The following SH3RF3 variants were observed in gnomAD, a reference collection of about 807,000 sequenced individuals.
SH3RF3 encodes E3 ubiquitin-protein ligase SH3RF3.
SH3RF3 carries 29 observed loss-of-function variants against 66.3 expected under a neutral mutation model. The observed-to-expected ratio is 0.44, with a 90% CI of 0.33 to 0.60. SH3RF3 has a LOEUF of 0.60. SH3RF3 is among the 20% of genes least tolerant of loss of function. The probability of loss-of-function intolerance (pLI) is 0.04; values close to 1 mark genes in which losing one functional copy is unlikely to be tolerated. For synonymous variants in SH3RF3, 583 were observed against 532.0 expected (o/e 1.10, Z -1.32); for missense variants, 1,194 against 1,190.9 (o/e 1.00, Z -0.04).
chr2:109,410,831 G>C (rs1481168133), intron 4 of SH3RF3, among the ~76,000 whole-genome samples: 2 of 143,802 alleles, frequency 1.4e-5, no homozygotes, highest in African/African-American at 2.6e-5. Flanking sequence ...GCTGCACTTG[G>C]CTTTGAAGTC....
intron 1 of SH3RF3, among the ~76,000 whole-genome samples, chr2:109,257,594 G>A (rs986012672): frequency 1.4e-4 from 22 of 152,108 alleles, no homozygotes; most frequent in South Asian, 1.2e-3. Context: ...CTTGACCACT[G>A]GAGCAGGATA....
chr2:109,288,963 T>C (rs1174541219), intron 1 of SH3RF3, among the ~76,000 whole-genome samples: 2 of 152,186 alleles, frequency 1.3e-5, no homozygotes. Context: ...ACAAATTTAT[T>C]TGTGGGCTTA....
At chr2:109,170,307 C>A (rs1321971597) in intron 1 of SH3RF3, among the ~76,000 whole-genome samples, 1 of 134,044 alleles carries the variant, frequency 7.5e-6, no homozygotes, top group Non-Finnish European at 1.6e-5. Flanking sequence ...CTCTTCTCTT[C>A]TCTTCTCTCC....
intron 1 of SH3RF3, among the ~76,000 whole-genome samples, chr2:109,338,820 AGT>A (rs1181893107): frequency 3.5e-4 from 54 of 152,258 alleles, no homozygotes; most frequent in African/African-American, 1.1e-3. Context: ...GGCCTCCCAA[AGT>A]GTGTGAGCCA....
chr2:109,385,230 AG>A (rs1467697782), intron 3 of SH3RF3, among the ~76,000 whole-genome samples: 2 of 152,184 alleles, frequency 1.3e-5, no homozygotes, highest in East Asian at 3.9e-4. Flanking sequence ...CCCACCTCCA[AG>A]GGTTCTTAGG....
intron 8 of SH3RF3, among the ~76,000 whole-genome samples, chr2:109,450,040 G>T (rs1677823094): frequency 1.3e-5 from 2 of 152,122 alleles, no homozygotes; most frequent in Non-Finnish European, 2.9e-5. Context: ...GCCATGAAGT[G>T]CTGATTTCAT....
chr2:109,203,024 G>T (rs1318542011), intron 1 of SH3RF3, among the ~76,000 whole-genome samples: 1 of 152,300 alleles, frequency 6.6e-6, no homozygotes, highest in East Asian at 1.9e-4. Flanking sequence ...TACTGGCCTG[G>T]CCATGGTCCT....
chr2:109,447,791 T>C (rs149424128), intron 7 of SH3RF3, among the ~76,000 whole-genome samples: 1 of 152,356 alleles, frequency 6.6e-6, no homozygotes, highest in Non-Finnish European at 1.5e-5. Flanking sequence ...GGGAGCTGTA[T>C]CTTTTCATAT....
At chr2:109,281,409 T>C (rs1230322734) in intron 1 of SH3RF3, among the ~76,000 whole-genome samples, 6 of 152,186 alleles carry the variant, frequency 3.9e-5, no homozygotes, top group South Asian at 2.1e-4. Flanking sequence ...GATGTGACAG[T>C]CTCAGAGCAG....
chr2:109,438,319 G>A (rs1418436251), intron 7 of SH3RF3, among the ~76,000 whole-genome samples: 1 of 152,116 alleles, frequency 6.6e-6, no homozygotes. Context: ...AGTGCCTGGT[G>A]TCTGGCACCA....
intron 7 of SH3RF3, among the ~76,000 whole-genome samples, chr2:109,443,727 T>G (rs1677635469): frequency 6.6e-6 from 1 of 152,094 alleles, no homozygotes. Context: ...ATACACCAAG[T>G]AACAGAACTT....
At chr2:109,270,749 T>C (rs1456826022) in intron 1 of SH3RF3, among the ~76,000 whole-genome samples, 2 of 152,190 alleles carry the variant, frequency 1.3e-5, no homozygotes, top group African/African-American at 4.8e-5. Flanking sequence ...CTTATGTAGA[T>C]TGACCTTTCT....
At chr2:109,446,474 T>A (rs1677708909) in intron 7 of SH3RF3, among the ~76,000 whole-genome samples, 1 of 152,076 alleles carries the variant, frequency 6.6e-6, no homozygotes, top group Non-Finnish European at 1.5e-5. Context: ...CTAAGAGCCT[T>A]GGGAGCAAAG....
At chr2:109,171,537 G>A (rs1041120619) in intron 1 of SH3RF3, among the ~76,000 whole-genome samples, 7 of 152,228 alleles carry the variant, frequency 4.6e-5, no homozygotes, top group East Asian at 1.9e-4. Flanking sequence ...GGCTTCGCCC[G>A]CGGCGGGCCA....
At chr2:109,192,867 A>G (rs1678402377) in intron 1 of SH3RF3, among the ~76,000 whole-genome samples, 1 of 152,182 alleles carries the variant, frequency 6.6e-6, no homozygotes, top group South Asian at 2.1e-4. Flanking sequence ...GTTTCTGTGC[A>G]CTGATTTTAT....
At chr2:109,216,189 T>C (rs1679098145) in intron 1 of SH3RF3, among the ~76,000 whole-genome samples, 1 of 152,292 alleles carries the variant, frequency 6.6e-6, no homozygotes, top group East Asian at 1.9e-4. Flanking sequence ...TGGGATCCAC[T>C]AGGCACCTGC....
chr2:109,225,122 T>C (rs1348498167), intron 1 of SH3RF3, among the ~76,000 whole-genome samples: 1 of 152,050 alleles, frequency 6.6e-6, no homozygotes, highest in Non-Finnish European at 1.5e-5. Context: ...GCACAGTCCC[T>C]TAAATTCCCT....
At chr2:109,208,855 C>T (rs748503325) in intron 1 of SH3RF3, among the ~76,000 whole-genome samples, 2 of 152,202 alleles carry the variant, frequency 1.3e-5, no homozygotes, top group Non-Finnish European at 2.9e-5. Context: ...AATTCAGGTT[C>T]ATTCTCTCTT....
chr2:109,342,699 G>T (rs977568591), intron 1 of SH3RF3, among the ~76,000 whole-genome samples: 1 of 152,180 alleles, frequency 6.6e-6, no homozygotes, highest in African/African-American at 2.4e-5. Flanking sequence ...AGGGGTGTCA[G>T]GAGCACATTC....
Sources: allele counts gnomAD v4.1 joint callset (sites outside exome capture counted in the v4.1 genomes callset), GRCh38; gene constraint gnomAD v4.1.1; transcripts MANE v1.5; gene names NCBI Gene and HGNC (gene_info 2026-07-23, HGNC 2026-07-21).